DSCAML1: variants seen among roughly 807,000 people sequenced by gnomAD.
DSCAML1 encodes the protein DS cell adhesion molecule like 1, also known as cell adhesion molecule DSCAML1.
Under a neutral mutation model 200.5 loss-of-function variants are expected in DSCAML1, and 38 were observed. The ratio of observed to expected loss-of-function variants is 0.19; its 90% CI spans 0.15 to 0.25. The LOEUF is 0.25. DSCAML1 is among the 10% of genes least tolerant of loss of function. The pLI is 1.00. For synonymous variants in DSCAML1, 1,215 were observed against 1,165.0 expected (o/e 1.04, Z -0.87); for missense variants, 2,223 against 2,858.8 (o/e 0.78, Z 5.07).
At chr11:117,814,058 TTAAC>T (rs1277530181) in intron 1 of DSCAML1, among the ~76,000 whole-genome samples, 5 of 152,140 alleles carry the variant, frequency 3.3e-5, no homozygotes, top group Middle Eastern at 3.2e-3. Context: ...CTGCCCCACC[TTAAC>T]TGAGTGATTA....
intron 3 of DSCAML1, among the ~76,000 whole-genome samples, chr11:117,566,274 G>C (rs983711808): frequency 6.6e-6 from 1 of 151,898 alleles, no homozygotes; most frequent in African/African-American, 2.4e-5. Flanking sequence ...CAGAAGCTCA[G>C]GTCTGTTGAT....
At chr11:117,675,284 A>G (rs1029297495) in intron 3 of DSCAML1, among the ~76,000 whole-genome samples, 7 of 152,018 alleles carry the variant, frequency 4.6e-5, no homozygotes, top group African/African-American at 1.7e-4. Context: ...CAAACATACC[A>G]CAAAATATCA....
At chr11:117,542,370 A>G (rs1177896408) in intron 3 of DSCAML1, among the ~76,000 whole-genome samples, 1 of 151,926 alleles carries the variant, frequency 6.6e-6, no homozygotes, top group Non-Finnish European at 1.5e-5. Flanking sequence ...AAAACAGTGC[A>G]GGCGATGTAG....
chr11:117,751,274 T>C (rs1184585342), intron 3 of DSCAML1, among the ~76,000 whole-genome samples: 1 of 152,016 alleles, frequency 6.6e-6, no homozygotes, highest in Non-Finnish European at 1.5e-5. Context: ...TTGTGCTACA[T>C]TATTTGCAGT....
chr11:117,465,303 T>C, intron 16 of DSCAML1, 121 bp from the exon 17 acceptor site: 1 of 1,392,334 alleles, frequency 7.2e-7, no homozygotes, highest in East Asian at 2.4e-5. Flanking sequence ...CCCATCTCAC[T>C]CAGAATGAAA....
Position 117,642,596 on chromosome 11 carries a change from T to A in DSCAML1, c.512-110074A>T, listed in dbSNP as rs551008981. ...GTGAGACACAGTGGGGCTGTATCCC[T>A]GTGGATGGACAGCAGTGCCTGAGGG... On this transcript the variant is annotated intron_variant, in intron 3 of 32. Transcript: ENST00000651296. The surrounding 1 kb of genome is among the most constrained non-coding windows in gnomAD (Gnocchi z 4.1). Among the ~76,000 whole-genome samples, 3 of 152,208 alleles carry A rather than the reference T, an allele frequency of 2.0e-5. No homozygotes were observed. Among genetic ancestry groups the A allele is most frequent in the Non-Finnish European group, 4.4e-5 (3 of 68,028 alleles).
intron 3 of DSCAML1, among the ~76,000 whole-genome samples, chr11:117,671,003 C>T (rs141116752): frequency 0.015 from 2,267 of 152,190 alleles, 25 homozygotes; most frequent in Middle Eastern, 0.041. Flanking sequence ...GCTGGCTGCC[C>T]GTTGAAAGAG....
At chr11:117,564,919 C>A (rs1031195334) in intron 3 of DSCAML1, among the ~76,000 whole-genome samples, 2 of 152,114 alleles carry the variant, frequency 1.3e-5, no homozygotes, top group African/African-American at 4.8e-5. Context: ...GTGTCTGCCA[C>A]CATACCCAGC....
chr11:117,457,311 C>T (rs978193676), intron 19 of DSCAML1, among the ~76,000 whole-genome samples: 4 of 152,190 alleles, frequency 2.6e-5, no homozygotes, highest in African/African-American at 9.6e-5. Flanking sequence ...GGTGATGCCC[C>T]TAGACCTCTG....
intron 3 of DSCAML1, among the ~76,000 whole-genome samples, chr11:117,705,763 T>C (rs2053748851): frequency 6.6e-6 from 1 of 152,206 alleles, no homozygotes; most frequent in Non-Finnish European, 1.5e-5. Context: ...GCACTGAAGT[T>C]TGGGATTCTA....
chr11:117,787,679 TACC>T (rs1565285541), intron 1 of DSCAML1, among the ~76,000 whole-genome samples: 3 of 152,190 alleles, frequency 2.0e-5, no homozygotes, highest in Non-Finnish European at 2.9e-5. Flanking sequence ...GACAAGACCC[TACC>T]ACCACATTAA....
At chr11:117,569,709 C>A (rs1214873072) in intron 3 of DSCAML1, among the ~76,000 whole-genome samples, 1 of 152,180 alleles carries the variant, frequency 6.6e-6, no homozygotes, top group Admixed American at 6.5e-5. Flanking sequence ...TTTCCCAGAC[C>A]CTCTGCAGCC....
At chr11:117,694,057 T>TTATA (rs35313833) in intron 3 of DSCAML1, among the ~76,000 whole-genome samples, 3,271 of 116,572 alleles carry the variant, frequency 0.028, 81 homozygotes, top group Non-Finnish European at 0.029. Context: ...GGTTCTATCT[T>TTATA]TATATATATA....
chr11:117,774,069 A>G (rs1274983845), intron 3 of DSCAML1, among the ~76,000 whole-genome samples: 2 of 152,322 alleles, frequency 1.3e-5, no homozygotes, highest in East Asian at 3.9e-4. Flanking sequence ...TCCTAAGCAC[A>G]GGAACCAGTT....
At chr11:117,579,555 C>T (rs1358842621) in intron 3 of DSCAML1, among the ~76,000 whole-genome samples, 1 of 152,216 alleles carries the variant, frequency 6.6e-6, no homozygotes, top group Non-Finnish European at 1.5e-5. Flanking sequence ...CTTCCCTGAC[C>T]ACCCGATTCA....
chr11:117,764,831 C>T (rs2054862659), intron 3 of DSCAML1, among the ~76,000 whole-genome samples: 1 of 152,126 alleles, frequency 6.6e-6, no homozygotes, highest in South Asian at 2.1e-4. Flanking sequence ...GAAGAGGGAC[C>T]CCAGCCACAC....
chr11:117,512,312 G>A (rs745736006), intron 8 of DSCAML1, among the ~76,000 whole-genome samples: 130 of 151,012 alleles, frequency 8.6e-4, no homozygotes, highest in Non-Finnish European at 1.5e-3. Flanking sequence ...CAGGGCCCCC[G>A]CCATGCCCAC....
chr11:117,618,003 G>GTC (rs1191251703), intron 3 of DSCAML1, among the ~76,000 whole-genome samples: 1 of 152,038 alleles, frequency 6.6e-6, no homozygotes, highest in Non-Finnish European at 1.5e-5. Flanking sequence ...CTATAATAAT[G>GTC]TCTCTCTCTC....
intron 3 of DSCAML1, among the ~76,000 whole-genome samples, chr11:117,583,238 A>T (rs1284997575): frequency 6.6e-6 from 1 of 151,830 alleles, no homozygotes; most frequent in Non-Finnish European, 1.5e-5. Context: ...CTTACCAGCC[A>T]CTTGCACTGA....
Sources: allele counts gnomAD v4.1 joint callset (sites outside exome capture counted in the v4.1 genomes callset), GRCh38; gene constraint gnomAD v4.1.1; non-coding constraint Gnocchi (gnomAD v3.1); transcripts MANE v1.5; gene names NCBI Gene and HGNC (gene_info 2026-07-23, HGNC 2026-07-21).